Variants in CCDC91 observed in about 807,000 individuals in gnomAD.
The protein encoded by CCDC91 is coiled-coil domain containing 91.
CCDC91 carries 48 observed loss-of-function variants against 63.2 expected under a neutral mutation model. That is an observed-to-expected ratio of 0.76 (90% CI 0.60 to 0.97). The LOEUF (loss-of-function observed/expected upper bound fraction) is 0.97. CCDC91 is among the 50% of genes least tolerant of loss of function. CCDC91 has a pLI of 0.00. For synonymous variants in CCDC91, 167 were observed against 165.8 expected, an observed-to-expected ratio of 1.01 and a Z score of -0.06; for missense variants, 500 against 494.6, an observed-to-expected ratio of 1.01 and a Z score of -0.10.
chr12:28,503,683 C>G (rs1007327285), intron 12 of CCDC91, among the ~76,000 whole-genome samples: 13 of 152,132 alleles, frequency 8.5e-5, no homozygotes, highest in African/African-American at 2.7e-4. Flanking sequence ...TTGGAACCAA[C>G]CCAAATGTCC....
At chr12:28,505,163 A>T (rs190004085) in intron 12 of CCDC91, among the ~76,000 whole-genome samples, 2 of 152,074 alleles carry the variant, frequency 1.3e-5, no homozygotes, top group Admixed American at 6.6e-5. Flanking sequence ...CCCTGCTCAA[A>T]GAATCATTAC....
intron 11 of CCDC91, among the ~76,000 whole-genome samples, chr12:28,473,023 T>C (rs1047866717): frequency 1.3e-5 from 2 of 152,202 alleles, no homozygotes; most frequent in African/African-American, 4.8e-5. Flanking sequence ...TTGATTATAG[T>C]TCAAATGACT....
At chr12:28,213,686 C>A (rs551366018) in intron 1 of CCDC91, among the ~76,000 whole-genome samples, 60 of 152,272 alleles carry the variant, frequency 3.9e-4, no homozygotes, top group African/African-American at 1.3e-3. Context: ...TAAAGAATAC[C>A]TTATCTACTA....
chr12:28,301,899 G>T (rs1302025710), intron 3 of CCDC91, among the ~76,000 whole-genome samples: 3 of 151,288 alleles, frequency 2.0e-5, no homozygotes, highest in Admixed American at 1.3e-4. Context: ...TATTCTCCTT[G>T]TCATTTAATT....
intron 12 of CCDC91, among the ~76,000 whole-genome samples, chr12:28,523,886 A>T (rs1296106421): frequency 6.6e-6 from 1 of 152,148 alleles, no homozygotes; most frequent in African/African-American, 2.4e-5. Context: ...TTTCTTTAAA[A>T]ACGTTGAATA....
chr12:28,437,931 T>C (rs1948993937), intron 8 of CCDC91, among the ~76,000 whole-genome samples: 1 of 152,106 alleles, frequency 6.6e-6, no homozygotes, highest in Non-Finnish European at 1.5e-5. Context: ...ATTAGGCACA[T>C]TACCATATAA....
chr12:28,372,576 G>A (rs1284323419), intron 7 of CCDC91, among the ~76,000 whole-genome samples: 1 of 149,418 alleles, frequency 6.7e-6, no homozygotes, highest in African/African-American at 2.4e-5. Context: ...TATATTCCTG[G>A]GTATTTAAAT....
chr12:28,313,920 A>T (rs749870185), intron 6 of CCDC91, among the ~76,000 whole-genome samples: 40 of 152,020 alleles, frequency 2.6e-4, no homozygotes, highest in Admixed American at 1.2e-3. Flanking sequence ...GTGGGTCAAC[A>T]CCTGTGACAA....
chr12:28,435,068 A>G lies in CCDC91; in HGVS notation c.763-15093A>G, dbSNP rs181581300. On this transcript the variant is annotated intron_variant, in intron 8 of 12. Transcript: ENST00000536442. ...GAGACTTACTGATTTTTATTGATCAAATAAAAACCAAATAACCAGCTTTTG... is the reference window on the plus strand; with the variant it reads ...GAGACTTACTGATTTTTATTGATCAGATAAAAACCAAATAACCAGCTTTTG... Among the ~76,000 whole-genome samples, 526 of 151,812 alleles carry G rather than the reference A, an allele frequency of 3.5e-3. 3 individuals carry two copies. The highest frequency in any genetic ancestry group is 5.4e-3 in the Non-Finnish European group (369 of 67,726).
chr12:28,206,261 CAGGTG>C (rs1330197480), intron 1 of CCDC91, among the ~76,000 whole-genome samples: 1 of 152,158 alleles, frequency 6.6e-6, no homozygotes, highest in Non-Finnish European at 1.5e-5. Context: ...GTCAGGTTCT[CAGGTG>C]AGAGTGTGAC....
intron 1 of CCDC91, among the ~76,000 whole-genome samples, chr12:28,216,942 CAG>C (rs1028331512): frequency 2.0e-5 from 3 of 152,198 alleles, no homozygotes; most frequent in African/African-American, 7.2e-5. Flanking sequence ...AAAGACCTGT[CAG>C]AGAATGTTTA....
chr12:28,548,086 CAAT>C (rs1271813916), intron 12 of CCDC91, among the ~76,000 whole-genome samples: 1 of 152,012 alleles, frequency 6.6e-6, no homozygotes, highest in Admixed American at 6.6e-5. Context: ...TTCTTATATT[CAAT>C]AATGTTTACC....
intron 7 of CCDC91, among the ~76,000 whole-genome samples, chr12:28,386,611 C>T (rs1386591323): frequency 6.6e-6 from 1 of 152,170 alleles, no homozygotes; most frequent in Non-Finnish European, 1.5e-5. Context: ...TCGTGATCCG[C>T]CCGCCTCGGC....
At chr12:28,408,263 C>T (rs925086652) in intron 8 of CCDC91, among the ~76,000 whole-genome samples, 3 of 152,098 alleles carry the variant, frequency 2.0e-5, no homozygotes, top group African/African-American at 7.2e-5. Flanking sequence ...TGTTAGTTTG[C>T]TGAGAATGAT....
chr12:28,373,057 A>G (rs1944720860), intron 7 of CCDC91, among the ~76,000 whole-genome samples: 1 of 152,120 alleles, frequency 6.6e-6, no homozygotes, highest in South Asian at 2.1e-4. Flanking sequence ...TGTATCTCCT[A>G]ACAATTAATT....
chr12:28,411,853 A>G (rs1433907091), intron 8 of CCDC91, among the ~76,000 whole-genome samples: 1 of 152,160 alleles, frequency 6.6e-6, no homozygotes, highest in Admixed American at 6.5e-5. Flanking sequence ...ACCTCAAGAA[A>G]AAGCCTCAGG....
chr12:28,191,159 C>T (rs1456386808), intron 1 of CCDC91: 2 of 152,230 alleles, frequency 1.3e-5, no homozygotes, highest in Admixed American at 6.5e-5. Context: ...AGTAACTTTG[C>T]CAAGTGGTGA....
intron 6 of CCDC91, among the ~76,000 whole-genome samples, chr12:28,343,598 C>T (rs1048050249): frequency 2.6e-5 from 4 of 152,042 alleles, no homozygotes; most frequent in Admixed American, 2.6e-4. Flanking sequence ...AATTTCTTTA[C>T]CTGTACTTTC....
intron 12 of CCDC91, among the ~76,000 whole-genome samples, chr12:28,535,308 C>T (rs1592986130): frequency 6.6e-6 from 1 of 152,254 alleles, no homozygotes; most frequent in South Asian, 2.1e-4. Context: ...AGTGGCAAAT[C>T]ACATGGATAA....
Sources: allele counts gnomAD v4.1 joint callset (sites outside exome capture counted in the v4.1 genomes callset), GRCh38; gene constraint gnomAD v4.1.1; transcripts MANE v1.5; gene names NCBI Gene and HGNC (gene_info 2026-07-23, HGNC 2026-07-21).